The following CREB5 variants were observed in gnomAD, a reference collection of about 807,000 sequenced individuals.
The protein encoded by CREB5 is cAMP responsive element binding protein 5.
In CREB5, 19 loss-of-function variants were observed where a neutral mutation model predicts 57.1. That is an observed-to-expected ratio of 0.33 (90% CI 0.23 to 0.49). CREB5 has a LOEUF of 0.49. CREB5 is among the 20% of genes least tolerant of loss of function. CREB5 has a pLI of 0.99. For missense variants in CREB5, 579 were observed against 671.6 expected (o/e 0.86, Z 1.52); for synonymous variants, 238 against 238.3 (o/e 1.00, Z 0.01).
intron 7 of CREB5, among the ~76,000 whole-genome samples, chr7:28,769,730 T>C (rs920481338): frequency 6.6e-6 from 1 of 152,156 alleles, no homozygotes; most frequent in Non-Finnish European, 1.5e-5. Context: ...AGTTAGAGTA[T>C]GACCATGGCT....
At chr7:28,374,288 A>G (rs1430180474) in intron 1 of CREB5, among the ~76,000 whole-genome samples, 1 of 152,198 alleles carries the variant, frequency 6.6e-6, no homozygotes, top group African/African-American at 2.4e-5. Context: ...AAATGGTGCA[A>G]TGGAGAAGTT....
At chr7:28,524,049 C>T (rs1793320476) in intron 4 of CREB5, among the ~76,000 whole-genome samples, 1 of 152,148 alleles carries the variant, frequency 6.6e-6, no homozygotes. Context: ...AATGAATGAA[C>T]ATGTAATAGT....
At chr7:28,325,374 G>C (rs1043335392) in intron 1 of CREB5, among the ~76,000 whole-genome samples, 3 of 151,472 alleles carry the variant, frequency 2.0e-5, no homozygotes, top group South Asian at 2.1e-4. Context: ...AGAATGGCGT[G>C]AACCCGGGAG....
At chr7:28,729,243 T>G (rs78333993) in intron 7 of CREB5, among the ~76,000 whole-genome samples, 5,694 of 152,230 alleles carry the variant, frequency 0.037, 149 homozygotes, top group South Asian at 0.055. Context: ...CACTAAAGAT[T>G]TAGGGAGATA....
chr7:28,486,751 G>C (rs1433966170), intron 1 of CREB5, among the ~76,000 whole-genome samples: 1 of 139,310 alleles, frequency 7.2e-6, no homozygotes, highest in Non-Finnish European at 1.5e-5. Flanking sequence ...ATTGGCTTTT[G>C]GGAGGATTTG....
chr7:28,684,834 T>G (rs1382728670), intron 5 of CREB5, among the ~76,000 whole-genome samples: 3 of 152,194 alleles, frequency 2.0e-5, no homozygotes, highest in Non-Finnish European at 4.4e-5. Flanking sequence ...TACTTTTTTC[T>G]TTTTGAAGGA....
chr7:28,311,850 G>A (rs1389629339), intron 1 of CREB5, among the ~76,000 whole-genome samples: 1 of 152,154 alleles, frequency 6.6e-6, no homozygotes. Flanking sequence ...TCACGTGGCA[G>A]GCACTGTCTC....
At chr7:28,487,628 C>G (rs1417822580) in intron 1 of CREB5, among the ~76,000 whole-genome samples, 2 of 152,204 alleles carry the variant, frequency 1.3e-5, no homozygotes, top group East Asian at 1.9e-4. Context: ...GAATCACTTG[C>G]TAAGCTGGTG....
intron 1 of CREB5, among the ~76,000 whole-genome samples, chr7:28,430,030 G>A (rs1242411467): frequency 2.0e-5 from 3 of 152,200 alleles, no homozygotes; most frequent in South Asian, 4.1e-4. Context: ...GCATAGGGCT[G>A]TATGTAAAAC....
At chr7:28,802,452 TA>T (rs1808429775) in intron 7 of CREB5, among the ~76,000 whole-genome samples, 1 of 152,234 alleles carries the variant, frequency 6.6e-6, no homozygotes, top group Non-Finnish European at 1.5e-5. Context: ...TAGAGCATAG[TA>T]GCTTTGATCG....
intron 5 of CREB5, among the ~76,000 whole-genome samples, chr7:28,586,758 C>G (rs767834): frequency 0.27 from 41,411 of 152,164 alleles, 5,854 homozygotes; most frequent in East Asian, 0.43. Context: ...GGTTTGTAAG[C>G]AAACTCCAGT....
chr7:28,560,987 T>TGTGTGC (rs1795231729), intron 4 of CREB5, among the ~76,000 whole-genome samples: 13 of 64,492 alleles, frequency 2.0e-4, no homozygotes, highest in African/African-American at 4.6e-4. Flanking sequence ...TGTGCGTGCG[T>TGTGTGC]GTGTGTGCCT....
intron 5 of CREB5, among the ~76,000 whole-genome samples, chr7:28,679,756 C>G (rs775602929): frequency 9.2e-5 from 14 of 152,180 alleles, no homozygotes; most frequent in Non-Finnish European, 1.5e-4. Flanking sequence ...ATGAGGAACA[C>G]CTGGATTATA....
At chr7:28,678,230 A>G (rs1191474264) in intron 5 of CREB5, among the ~76,000 whole-genome samples, 1 of 151,974 alleles carries the variant, frequency 6.6e-6, no homozygotes, top group Admixed American at 6.6e-5. Flanking sequence ...CCTACTAAGA[A>G]TGCAAAAATT....
At chr7:28,397,273 C>T (rs1450620071) in intron 1 of CREB5, among the ~76,000 whole-genome samples, 1 of 152,198 alleles carries the variant, frequency 6.6e-6, no homozygotes, top group African/African-American at 2.4e-5. Context: ...TGGTATTCCT[C>T]TACAGAAGGC....
At chr7:28,778,536 A>G (rs1806788382) in intron 7 of CREB5, among the ~76,000 whole-genome samples, 1 of 152,220 alleles carries the variant, frequency 6.6e-6, no homozygotes, top group Non-Finnish European at 1.5e-5. Flanking sequence ...TTTTCAACAA[A>G]TCTACTTACA....
intron 7 of CREB5, among the ~76,000 whole-genome samples, chr7:28,770,644 T>C (rs1562629288): frequency 6.6e-6 from 1 of 152,198 alleles, no homozygotes; most frequent in African/African-American, 2.4e-5. Flanking sequence ...ATGCTATGAA[T>C]TGATCATCTA....
intron 7 of CREB5, among the ~76,000 whole-genome samples, chr7:28,735,665 G>A (rs984371009): frequency 6.6e-6 from 1 of 152,144 alleles, no homozygotes; most frequent in Admixed American, 6.5e-5. Flanking sequence ...GGCTCCCTGA[G>A]GGGGAGGGAT....
At chr7:28,434,754 A>G (rs1308104723) in intron 1 of CREB5, among the ~76,000 whole-genome samples, 1 of 152,218 alleles carries the variant, frequency 6.6e-6, no homozygotes, top group Non-Finnish European at 1.5e-5. Flanking sequence ...TCATATGAAT[A>G]CAAATAATTT....
Sources: gnomAD v4.1 joint callset for allele counts (sites outside exome capture counted in the v4.1 genomes callset) on GRCh38, gnomAD v4.1.1 for gene constraint, MANE v1.5 for transcripts, NCBI Gene and HGNC (gene_info 2026-07-23, HGNC 2026-07-21) for gene names.